Variants in RAB5B observed in about 807,000 individuals in gnomAD.
RAB5B encodes RAB5B, member RAS oncogene family.
In RAB5B, 11 loss-of-function variants were observed where a neutral mutation model predicts 28.6. That is an observed-to-expected ratio of 0.38 (90% CI 0.24 to 0.64). The LOEUF (loss-of-function observed/expected upper bound fraction) is 0.64, where lower values mean the gene tolerates loss of function less well. RAB5B is among the 30% of genes least tolerant of loss of function. The probability of loss-of-function intolerance (pLI) is 0.53; values close to 1 mark genes in which losing one functional copy is unlikely to be tolerated. For synonymous variants in RAB5B, 93 were observed against 97.9 expected (o/e 0.95, Z 0.29); for missense variants, 169 against 265.6 (o/e 0.64, Z 2.53).
At chr12:55,979,951 AT>A (rs907942989) in intron 1 of RAB5B, among the ~76,000 whole-genome samples, 1 of 152,066 alleles carries the variant, frequency 6.6e-6, no homozygotes, top group African/African-American at 2.4e-5. Context: ...ATTTTATTTT[AT>A]TTTTTATTTA....
At chr12:55,990,322 C>T (rs535448452) in intron 3 of RAB5B, 14 of 487,658 alleles carry the variant, frequency 2.9e-5, no homozygotes, top group Non-Finnish European at 3.6e-5. Flanking sequence ...GCAGGAGAAT[C>T]GCTTGAACCC....
In RAB5B at chr12:55,985,914, CAA is replaced by C. The variant is rs535215449; in HGVS notation, c.-92-953_-92-952del. Among the ~76,000 whole-genome samples the C allele has an allele frequency of 1.6e-3, 242 of 152,250 alleles. 2 individuals are homozygous for C. Among genetic ancestry groups the C allele is most frequent in the Non-Finnish European group, 2.9e-3 (198 of 68,028 alleles). On this transcript the variant is annotated intron_variant, in intron 1 of 5. Coordinates refer to ENST00000360299, the MANE Select transcript of RAB5B (RefSeq NM_002868.4). ...AGTGAAAAAAGAGTTGTTAATGAAA[CAA>C]AGAGTTGATAATGAATGTGATCTGT...
Position 55,991,988 on chromosome 12 carries a change from C to G in RAB5B, c.533-109C>G, listed in dbSNP as rs551102395. ...CATCTTCAGAACATTCTTTTAATCT[C>G]TCAAATTCTCCCTTTTCCCCAATTC... is the stretch of plus-strand genomic sequence containing the variant. On this transcript the variant is annotated intron_variant, in intron 5 of 5. Transcript: ENST00000360299. The G allele has an allele frequency of 3.9e-6, 3 of 761,512 alleles. No individual in the cohort carries two copies. In the Admixed American group the frequency reaches 8.1e-5, roughly 21 times the overall value. 47.2% of individuals were successfully genotyped at this position (761,512 alleles called of 1,614,324 possible).
chr12:55,996,003 A>ATATTTTTTTTTTTTTTTTTTTTTTTT lies in RAB5B; in HGVS notation c.*3792_*3793insATTTTTTTTTTTTTTTTTTTTTTTTT. The ATATTTTTTTTTTTTTTTTTTTTTTTT allele has an allele frequency of 1.0e-5, 1 of 97,432 alleles. No individual in the cohort carries two copies. The highest frequency in any genetic ancestry group is 4.7e-5 in the African/African-American group (1 of 21,122). The allele number at this position is 97,432 out of a possible 1,614,324, so 6.0% of individuals were successfully genotyped here. On this transcript the variant is annotated 3_prime_UTR_variant, in exon 6 of 6. Coordinates refer to ENST00000360299, the MANE Select transcript of RAB5B (RefSeq NM_002868.4). Reference sequence around the variant, plus strand: ...TATATACATATATATATATATATATATTTTTTTTTTAACAACTGGTAGGAT... The same window carrying ATATTTTTTTTTTTTTTTTTTTTTTTT: ...TATATACATATATATATATATATATATATTTTTTTTTTTTTTTTTTTTTTTTTTTTTTTTTTAACAACTGGTAGGAT...
In RAB5B at chr12:55,996,428, A is replaced by C. The variant is rs1308492799; in HGVS notation, c.*4216A>C. Reference sequence around the variant, plus strand: ...TATGCCCCTTACTTTGAGATAAGAGACTACAACCTTCATACTTCGGGGTGT... The same window carrying C: ...TATGCCCCTTACTTTGAGATAAGAGCCTACAACCTTCATACTTCGGGGTGT... On this transcript the variant is annotated 3_prime_UTR_variant, in exon 6 of 6. Coordinates refer to ENST00000360299, the MANE Select transcript of RAB5B (RefSeq NM_002868.4). The C allele has an allele frequency of 6.6e-6, 1 of 152,142 alleles. No individual in the cohort carries two copies. The highest frequency in any genetic ancestry group is 1.5e-5 in the Non-Finnish European group (1 of 68,024). The allele number at this position is 152,142 out of a possible 1,614,324, so 9.4% of individuals were successfully genotyped here.
chr12:55,990,278 C>T (rs35108074), intron 3 of RAB5B, 180 bp downstream of exon 3: 30 of 624,758 alleles, frequency 4.8e-5, no homozygotes, highest in Admixed American at 3.5e-4. Context: ...CGTGGTGGTG[C>T]GCGCCTGTAG....
intron 1 of RAB5B, chr12:55,980,678 A>G (rs1162673349): frequency 1.9e-5 from 31 of 1,590,960 alleles, no homozygotes; most frequent in Non-Finnish European, 2.7e-5. Flanking sequence ...TTTGTTCCCT[A>G]GCAAGAGGTG....
rs1234933581 is a variant in RAB5B, at chr12:55,992,139, C to T, written c.575C>T (p.Ala192Val). Residue 192 changes from alanine to valine, a missense_variant, in exon 6 of 6, where the codon GCA (alanine) becomes GTA (valine). Ala to Val is a moderately conservative substitution (Grantham distance 64). This residue lies in a region of RAB5B where 123 missense variants were observed against 162.4 expected (regional missense o/e 0.76). Coordinates refer to ENST00000360299, the MANE Select transcript of RAB5B (RefSeq NM_002868.4). ...AGTGAACCCCAGAATCTGGGAGGTG[C>T]AGCAGGCCGAAGCCGGGGTGTGGAT... ...PKSEPQNLGGAAGRSRGVDLH... is the reference protein window; with the variant it reads ...PKSEPQNLGGVAGRSRGVDLH... 6.2e-7 allele frequency: 1 copy of T among 1,614,118 alleles called. No homozygotes were observed. The highest frequency in any genetic ancestry group is 1.7e-5 in the Admixed American group (1 of 60,014).
intron 1 of RAB5B, among the ~76,000 whole-genome samples, chr12:55,986,469 GA>G (rs976590097): frequency 4.6e-5 from 7 of 152,062 alleles, no homozygotes; most frequent in African/African-American, 1.7e-4. Flanking sequence ...AGGAAAAGAA[GA>G]GCACAGCACC....
Position 55,990,108 on chromosome 12 carries a change from C to A in RAB5B, c.315+10C>A. 1 of 1,609,224 alleles carries A rather than the reference C, an allele frequency of 6.2e-7. No individual in the cohort carries two copies. The highest frequency in any genetic ancestry group is 1.1e-5 in the South Asian group (1 of 90,510). On this transcript the variant is annotated intron_variant, in intron 3 of 5. Coordinates refer to ENST00000360299, the MANE Select transcript of RAB5B (RefSeq NM_002868.4). ...CGACATTACTAATCAGGTAAGTGAG[C>A]TAAGAAGACTGTCCTTGTTGGCTGG...
At position 55,992,446 on chromosome 12, in the gene RAB5B, C is replaced by G. The variant is rs781409817; in HGVS notation, c.*234C>G. 4.5e-6 allele frequency: 3 copies of G among 673,600 alleles called. No individual in the cohort carries two copies. Among genetic ancestry groups the G allele is most frequent in the Non-Finnish European group, 5.4e-6 (2 of 367,014 alleles). 41.7% of individuals were successfully genotyped at this position (673,600 alleles called of 1,614,324 possible). Reference sequence around the variant, plus strand: ...TCTGGGGCTTGGGGGTCAACTCCCCCCAGGACTTACCTTCCAAAACAAACT... The same window carrying G: ...TCTGGGGCTTGGGGGTCAACTCCCCGCAGGACTTACCTTCCAAAACAAACT... On this transcript the variant is annotated 3_prime_UTR_variant, in exon 6 of 6. Transcript: ENST00000360299.
intron 5 of RAB5B, 62 bp downstream of exon 5, chr12:55,991,515 A>G: frequency 2.1e-6 from 3 of 1,402,784 alleles, no homozygotes; most frequent in Non-Finnish European, 3.0e-6. Context: ...ATTATAGCTA[A>G]CCCAAATCAA....
At chr12:55,981,094 C>G in intron 1 of RAB5B, 1 of 1,459,752 alleles carries the variant, frequency 6.9e-7, no homozygotes, top group Non-Finnish European at 9.5e-7. Flanking sequence ...GAGACGGAAT[C>G]GCTCTGTTGT....
intron 3 of RAB5B, chr12:55,990,356 C>T (rs540112119): frequency 2.5e-4 from 115 of 464,560 alleles, no homozygotes; most frequent in African/African-American, 1.8e-3. Flanking sequence ...TGCAGTGAGC[C>T]GAGATCGAGC....
intron 5 of RAB5B, 49 bp from the exon 6 acceptor site, chr12:55,992,048 A>G (rs769330646): frequency 2.8e-6 from 4 of 1,449,548 alleles, no homozygotes; most frequent in South Asian, 2.3e-5. Context: ...GCAGAGGGGT[A>G]GGGAAGTAAA....
chr12:55,989,719 C>T (rs1254026358), intron 2 of RAB5B, among the ~76,000 whole-genome samples: 1 of 152,186 alleles, frequency 6.6e-6, no homozygotes, highest in Admixed American at 6.5e-5. Flanking sequence ...TGATGTACCC[C>T]CATTCCTTAG....
intron 4 of RAB5B, 24 bp from the exon 5 acceptor site, chr12:55,991,336 A>C: frequency 6.4e-7 from 1 of 1,570,222 alleles, no homozygotes; most frequent in Middle Eastern, 1.7e-4. Context: ...CATTCTGAGC[A>C]CTAATACATC....
chr12:55,974,390 G>A (rs956677679), intron 1 of RAB5B, among the ~76,000 whole-genome samples: 3 of 152,184 alleles, frequency 2.0e-5, no homozygotes, highest in Non-Finnish European at 4.4e-5. Context: ...CGAGGGCCGG[G>A]GGCTGGAGGC....
intron 5 of RAB5B, 151 bp from the exon 6 acceptor site, chr12:55,991,946 C>T: frequency 1.7e-6 from 1 of 600,520 alleles, no homozygotes. Flanking sequence ...AAAAAGTTTG[C>T]AAATAGTGAA....
Sources: allele counts gnomAD v4.1 joint callset (sites outside exome capture counted in the v4.1 genomes callset), GRCh38; gene constraint gnomAD v4.1.1; regional missense constraint gnomAD v4.1.1; transcripts MANE v1.5; gene names NCBI Gene and HGNC (gene_info 2026-07-23, HGNC 2026-07-21).